The following TMC3 variants were observed in gnomAD, a reference collection of about 807,000 sequenced individuals.
TMC3 encodes the protein transmembrane channel like 3.
Under a neutral mutation model 110.6 loss-of-function variants are expected in TMC3, and 98 were observed. The ratio of observed to expected loss-of-function variants is 0.89; its 90% CI spans 0.75 to 1.05. TMC3 has a LOEUF of 1.05. Among genes scored for constraint, TMC3 ranks in the 50% least tolerant of loss-of-function variants. TMC3 has a pLI of 0.00. For synonymous variants in TMC3, 489 were observed against 513.1 expected, an observed-to-expected ratio of 0.95 and a Z score of 0.63; for missense variants, 1,319 against 1,373.2, an observed-to-expected ratio of 0.96 and a Z score of 0.62.
chr15:81,369,477 G>T (rs1596098890), intron 2 of TMC3, among the ~76,000 whole-genome samples: 1 of 152,100 alleles, frequency 6.6e-6, no homozygotes, highest in East Asian at 1.9e-4. Context: ...TAATAGAGCT[G>T]TCTGCTGCAA....
At chr15:81,367,489 C>A (rs1001666547) in intron 3 of TMC3, among the ~76,000 whole-genome samples, 1 of 152,048 alleles carries the variant, frequency 6.6e-6, no homozygotes, top group Non-Finnish European at 1.5e-5. Flanking sequence ...ACTTTATAAG[C>A]AGATAATTTT....
At chr15:81,368,647 A>G (rs757545907) in intron 2 of TMC3, among the ~76,000 whole-genome samples, 2 of 152,176 alleles carry the variant, frequency 1.3e-5, no homozygotes, top group Non-Finnish European at 2.9e-5. Flanking sequence ...TGAGCTTTGG[A>G]AATCCTGGTG....
At chr15:81,360,283 T>C (rs1404566722) in intron 4 of TMC3, among the ~76,000 whole-genome samples, 2 of 152,196 alleles carry the variant, frequency 1.3e-5, no homozygotes, top group African/African-American at 2.4e-5. Flanking sequence ...AATTATTCTA[T>C]ACAAATAATG....
chr15:81,346,928 A>G (rs533632096), intron 11 of TMC3, among the ~76,000 whole-genome samples: 1 of 152,344 alleles, frequency 6.6e-6, no homozygotes, highest in East Asian at 1.9e-4. Flanking sequence ...GCAGAATGCA[A>G]TTTCAGGACC....
At chr15:81,363,444 G>A (rs982397062) in intron 3 of TMC3, among the ~76,000 whole-genome samples, 2 of 152,214 alleles carry the variant, frequency 1.3e-5, no homozygotes, top group African/African-American at 4.8e-5. Flanking sequence ...TGCAGAAAGA[G>A]GGATTACAAA....
chr15:81,339,087 G>A (rs73496836), intron 17 of TMC3, among the ~76,000 whole-genome samples: 5,386 of 152,300 alleles, frequency 0.035, 293 homozygotes, highest in African/African-American at 0.12. Flanking sequence ...AAAAAGTGCT[G>A]TGCACTGTGG....
In TMC3 at chr15:81,374,207, AC is replaced by A. The variant is rs1238086706; in HGVS notation, c.-131del. On this transcript the variant is annotated 5_prime_UTR_variant, in exon 1 of 22. Coordinates refer to ENST00000359440, the MANE Select transcript of TMC3 (RefSeq NM_001080532.3). ...CTGCCCGCTAGTTCTCAGGAAGAAG[AC>A]TGTGTGCTTGCAGCTGGTGCTCTGA... is the stretch of plus-strand genomic sequence containing the variant. The A allele has an allele frequency of 5.4e-6, 4 of 743,296 alleles. No individual in the cohort carries two copies. The highest frequency in any genetic ancestry group is 9.2e-6 in the Non-Finnish European group (4 of 434,332). The allele number at this position is 743,296 out of a possible 1,614,324, so 46.0% of individuals were successfully genotyped here. A position where few individuals can be genotyped will look rare whatever the true frequency, so the allele number is the denominator to read the frequency against.
chr15:81,349,580 C>A lies in TMC3; in HGVS notation c.1084-13G>T. 2 of 1,445,562 alleles carry A rather than the reference C, an allele frequency of 1.4e-6. No individual in the cohort carries two copies. Among genetic ancestry groups the A allele is most frequent in the Middle Eastern group, 1.8e-4 (1 of 5,460 alleles). 89.5% of individuals were successfully genotyped at this position (1,445,562 alleles called of 1,614,324 possible). On this transcript the variant is annotated splice_polypyrimidine_tract_variant and intron_variant, in intron 10 of 21. Coordinates refer to ENST00000359440, the MANE Select transcript of TMC3 (RefSeq NM_001080532.3). ...CCACCACACTGACCTGCTGAGAGAGCACATGCCAGAGCCAGACATTCCCAG... is the reference window on the plus strand; with the variant it reads ...CCACCACACTGACCTGCTGAGAGAGAACATGCCAGAGCCAGACATTCCCAG...
Position 81,349,573 on chromosome 15 carries a change from G to T in TMC3, c.1084-6C>A. Reference sequence around the variant, plus strand: ...AGGGAGACCACCACACTGACCTGCTGAGAGAGCACATGCCAGAGCCAGACA... The same window carrying T: ...AGGGAGACCACCACACTGACCTGCTTAGAGAGCACATGCCAGAGCCAGACA... On this transcript the variant is annotated splice_region_variant and splice_polypyrimidine_tract_variant and intron_variant, in intron 10 of 21. Transcript: ENST00000359440. The T allele has an allele frequency of 6.8e-7, 1 of 1,470,204 alleles. No homozygotes were observed. The highest frequency in any genetic ancestry group is 9.0e-7 in the Non-Finnish European group (1 of 1,106,666). 91.1% of individuals were successfully genotyped at this position (1,470,204 alleles called of 1,614,324 possible). A position where few individuals can be genotyped will look rare whatever the true frequency, so the allele number is the denominator to read the frequency against.
intron 9 of TMC3, among the ~76,000 whole-genome samples, 184 bp downstream of exon 9, chr15:81,355,541 G>A (rs1171316412): frequency 6.6e-6 from 1 of 152,150 alleles, no homozygotes; most frequent in Non-Finnish European, 1.5e-5. Context: ...ATGGAAGGAG[G>A]AAGTCGTCCT....
In TMC3 at chr15:81,344,836, A is replaced by C; in HGVS notation, c.1448T>G (p.Ile483Arg). Residue 483 changes from isoleucine (I) to arginine (R), a missense_variant, in exon 13 of 22, where the codon ATA (isoleucine) becomes AGA (arginine). Coordinates refer to ENST00000359440, the MANE Select transcript of TMC3 (RefSeq NM_001080532.3). ...TSISAYTMPL[I>R]KANKTSLHTQ... The stretch of plus-strand genomic sequence containing the variant: ...GTGGAGGCTAGTCTTGTTGGCCTTT[A>C]TAAGAGGCATGGTATAAGCTGAAAT... The C allele has an allele frequency of 6.2e-7, 1 of 1,613,906 alleles. No individual in the cohort carries two copies. Among genetic ancestry groups the C allele is most frequent in the Non-Finnish European group, 8.5e-7 (1 of 1,179,862 alleles).
chr15:81,357,657 A>G (rs914528026), intron 7 of TMC3, among the ~76,000 whole-genome samples: 2 of 152,230 alleles, frequency 1.3e-5, no homozygotes, highest in Non-Finnish European at 2.9e-5. Flanking sequence ...TGCCAACTGC[A>G]TCACAGCACA....
rs977972733 is a variant in TMC3 at position 81,351,683 on chromosome 15, G to A, written c.1083+11C>T. 83 of 1,552,200 alleles carry A rather than the reference G, an allele frequency of 5.3e-5. No individual in the cohort carries two copies. The highest frequency in any genetic ancestry group is 6.5e-5 in the Non-Finnish European group (75 of 1,147,226). On this transcript the variant is annotated intron_variant, in intron 10 of 21. Transcript: ENST00000359440. ...CTTTTCTAGGGTGCTGCAGGTAATG[G>A]CAGTGGGTACCTCATTCTTTTCCCA...
chr15:81,337,308 G>T (rs115987459), intron 19 of TMC3, among the ~76,000 whole-genome samples: 2,108 of 152,250 alleles, frequency 0.014, 68 homozygotes, highest in African/African-American at 0.049. Context: ...AACACCTGGG[G>T]TATGTGGAGG....
At chr15:81,346,528 G>GTCATGGATA in intron 11 of TMC3, 85 bp from the exon 12 acceptor site, 1 of 1,326,690 alleles carries the variant, frequency 7.5e-7, no homozygotes. Context: ...TCTAAAGACT[G>GTCATGGATA]TCATGGATAT....
At position 81,358,252 on chromosome 15, in the gene TMC3, C is replaced by G. The variant is rs56715910; in HGVS notation, c.640G>C (p.Gly214Arg). 1 of 1,613,006 alleles carries G rather than the reference C, an allele frequency of 6.2e-7. No homozygotes were observed. The highest frequency in any genetic ancestry group is 2.2e-5 in the East Asian group (1 of 44,864). The change falls in exon 7 of 22, where the codon GGC becomes CGC. Residue 214 changes from glycine (G) to arginine (R), a missense_variant. Coordinates refer to ENST00000359440, the MANE Select transcript of TMC3 (RefSeq NM_001080532.3). Reference protein sequence around the residue: ...QYSVLFYGYYGRERKIGRAGY... With the variant: ...QYSVLFYGYYRRERKIGRAGY... ...GCTCTCCCGATCTTCCTCTCCCTGC[C>G]GTAATATCCGTAGAAGAGGACAGAG... is the stretch of plus-strand genomic sequence containing the variant.
chr15:81,361,436 A>G (rs1373731013), intron 4 of TMC3, among the ~76,000 whole-genome samples: 4 of 152,194 alleles, frequency 2.6e-5, no homozygotes, highest in African/African-American at 4.8e-5. Context: ...TTGCCCATCA[A>G]TTCCCACACT....
intron 14 of TMC3, among the ~76,000 whole-genome samples, 167 bp downstream of exon 14, chr15:81,343,750 A>AG (rs1893762147): frequency 6.6e-6 from 1 of 152,088 alleles, no homozygotes; most frequent in African/African-American, 2.4e-5. Context: ...ACAGACAAAA[A>AG]AAAAAAAAAG....
intron 7 of TMC3, among the ~76,000 whole-genome samples, chr15:81,356,839 A>C (rs1237317150): frequency 6.6e-6 from 1 of 151,956 alleles, no homozygotes; most frequent in Non-Finnish European, 1.5e-5. Flanking sequence ...TTTGACAAGG[A>C]CTCCCACCAC....
Sources: allele counts gnomAD v4.1 joint callset (sites outside exome capture counted in the v4.1 genomes callset), GRCh38; gene constraint gnomAD v4.1.1; transcripts MANE v1.5; gene names NCBI Gene and HGNC (gene_info 2026-07-23, HGNC 2026-07-21).